Variants in AHR observed in about 807,000 individuals in gnomAD.
AHR encodes AH-receptor.
Under a neutral mutation model 86.8 loss-of-function variants are expected in AHR, and 40 were observed. That is an observed-to-expected ratio of 0.46 (90% CI 0.36 to 0.60). The LOEUF (loss-of-function observed/expected upper bound fraction) is 0.60. AHR is among the 20% of genes least tolerant of loss of function. AHR has a pLI of 0.00. For synonymous variants in AHR, 398 were observed against 354.9 expected (o/e 1.12, Z -1.37); for missense variants, 1,001 against 1,011.6 (o/e 0.99, Z 0.14).
chr7:17,304,020 T>C (rs540385888), intron 1 of AHR, among the ~76,000 whole-genome samples: 1 of 152,276 alleles, frequency 6.6e-6, no homozygotes, highest in East Asian at 1.9e-4. Flanking sequence ...GATTTTCTAC[T>C]TAGGGTGTCC....
rs79550121 is a variant in AHR, at chr7:17,339,280, T to G, written c.1455T>G (p.Phe485Leu). ...TSSTAPFENNFFNESMNECRN... is the reference protein window; with the variant it reads ...TSSTAPFENNLFNESMNECRN... ...GTACTGCACCTTTTGAAAACAACTTTTTCAACGAATCTATGAATGAATGCA... is the reference window on the plus strand; with the variant it reads ...GTACTGCACCTTTTGAAAACAACTTGTTCAACGAATCTATGAATGAATGCA... The change falls in exon 10 of 11, where the codon TTT (phenylalanine) becomes TTG (leucine). Residue 485 changes from phenylalanine to leucine, a missense_variant. Physicochemically the swap from Phe to Leu is conservative, Grantham distance 22. This residue lies in a region of AHR where 607 missense variants were observed against 543.1 expected (regional missense o/e 1.12). Coordinates refer to ENST00000242057, the MANE Select transcript of AHR (RefSeq NM_001621.5). 1.3e-4 allele frequency: 205 copies of G among 1,614,198 alleles called. No homozygotes were observed. The African/African-American group carries it at 2.6e-3, about 20-fold the overall frequency.
chr7:17,331,631 A>G (rs1314887166), intron 6 of AHR, among the ~76,000 whole-genome samples: 1 of 151,958 alleles, frequency 6.6e-6, no homozygotes, highest in Non-Finnish European at 1.5e-5. Flanking sequence ...AATAACTGCC[A>G]CATAGAAAAA....
intron 2 of AHR, among the ~76,000 whole-genome samples, chr7:17,314,400 T>C (rs1402053385): frequency 6.6e-6 from 1 of 152,092 alleles, no homozygotes; most frequent in Non-Finnish European, 1.5e-5. Context: ...ATAATAGTTA[T>C]ATTATGTGAT....
chr7:17,339,508 T>C lies in AHR; in HGVS notation c.1683T>C (p.Phe561=). The change falls in exon 10 of 11, where the codon TTT becomes TTC. Residue 561 remains phenylalanine, a synonymous_variant. Transcript: ENST00000242057. The part of the protein sequence containing the change: ...EDIRHMQNEK[F]FRNDFSGEVD... ...TCAGACACATGCAGAATGAAAAATT[T>C]TTCAGAAATGATTTTTCTGGTGAGG... The C allele has an allele frequency of 6.2e-7, 1 of 1,614,014 alleles. No individual in the cohort carries two copies. The highest frequency in any genetic ancestry group is 8.5e-7 in the Non-Finnish European group (1 of 1,179,992).
intron 1 of AHR, among the ~76,000 whole-genome samples, chr7:17,302,803 A>G (rs1019442550): frequency 6.8e-6 from 1 of 147,168 alleles, no homozygotes; most frequent in South Asian, 2.1e-4. Context: ...AAACAGAACA[A>G]AAAAAAAATA....
chr7:17,329,330 A>G (rs1047997493), intron 4 of AHR, among the ~76,000 whole-genome samples: 1 of 151,944 alleles, frequency 6.6e-6, no homozygotes, highest in Non-Finnish European at 1.5e-5. Flanking sequence ...CTGTGCACAC[A>G]CCTGTGACAG....
At chr7:17,311,202 A>G (rs886333775) in intron 2 of AHR, among the ~76,000 whole-genome samples, 3 of 152,234 alleles carry the variant, frequency 2.0e-5, no homozygotes, top group Non-Finnish European at 4.4e-5. Context: ...TCTTTTTAAA[A>G]TATCATATAA....
intron 2 of AHR, among the ~76,000 whole-genome samples, chr7:17,318,847 G>T (rs1195063452): frequency 6.6e-6 from 1 of 152,066 alleles, no homozygotes. Context: ...TATTCTTAAA[G>T]TAGGCCAGAG....
At chr7:17,305,375 G>A (rs964551851) in intron 1 of AHR, among the ~76,000 whole-genome samples, 4 of 152,262 alleles carry the variant, frequency 2.6e-5, no homozygotes, top group Non-Finnish European at 4.4e-5. Context: ...GGAAGGAAAT[G>A]AAGAATGAAT....
intron 5 of AHR, among the ~76,000 whole-genome samples, 187 bp downstream of exon 5, chr7:17,330,262 G>A (rs1278692969): frequency 6.6e-6 from 1 of 151,874 alleles, no homozygotes; most frequent in East Asian, 1.9e-4. Flanking sequence ...TTTGGCAAAT[G>A]AGAGCCATTT....
chr7:17,337,782 C>T (rs921872755), intron 9 of AHR, among the ~76,000 whole-genome samples: 3 of 151,664 alleles, frequency 2.0e-5, no homozygotes, highest in East Asian at 1.9e-4. Context: ...GCCCTTTTTA[C>T]GTTTTTCTAT....
intron 1 of AHR, among the ~76,000 whole-genome samples, chr7:17,308,985 T>C (rs906452699): frequency 1.3e-5 from 2 of 152,206 alleles, no homozygotes; most frequent in Non-Finnish European, 2.9e-5. Context: ...CAGGAAGGTA[T>C]AGAGGTATAA....
intron 9 of AHR, among the ~76,000 whole-genome samples, chr7:17,337,965 C>G (rs189881997): frequency 1.3e-5 from 2 of 150,566 alleles, no homozygotes; most frequent in Admixed American, 6.6e-5. Context: ...TTCTATTGCC[C>G]GAGGCGGGCG....
At chr7:17,341,066 A>G (rs930097758) in intron 10 of AHR, among the ~76,000 whole-genome samples, 14 of 152,146 alleles carry the variant, frequency 9.2e-5, no homozygotes, top group Non-Finnish European at 1.6e-4. Flanking sequence ...TTTCCATTAG[A>G]AAATATTTAG....
At chr7:17,331,838 A>G (rs531268233) in intron 6 of AHR, among the ~76,000 whole-genome samples, 5 of 152,116 alleles carry the variant, frequency 3.3e-5, no homozygotes, top group African/African-American at 9.6e-5. Context: ...TATATTGTAT[A>G]TTCTTTTTGT....
chr7:17,340,280 A>G lies in AHR; in HGVS notation c.2403+52A>G, dbSNP rs373182334. ...ATCTTTCAGTGATTCTTTTTACCTT[A>G]TAGACATGTTACACATTTTTTATGT... On this transcript the variant is annotated intron_variant, in intron 10 of 10. Coordinates refer to ENST00000242057, the MANE Select transcript of AHR (RefSeq NM_001621.5). 4.6e-6 allele frequency: 7 copies of G among 1,522,524 alleles called. No individual in the cohort carries two copies. In the African/African-American group the frequency reaches 6.9e-5, roughly 15 times the overall value. 94.3% of individuals were successfully genotyped at this position (1,522,524 alleles called of 1,614,324 possible). A position where few individuals can be genotyped will look rare whatever the true frequency, so the allele number is the denominator to read the frequency against.
chr7:17,328,948 T>TGG (rs1782256541), intron 4 of AHR, among the ~76,000 whole-genome samples: 2 of 151,924 alleles, frequency 1.3e-5, no homozygotes, highest in Non-Finnish European at 2.9e-5. Context: ...CTAAAGAAAA[T>TGG]ACATTAATGT....
intron 5 of AHR, 98 bp from the exon 6 acceptor site, chr7:17,330,658 A>C: frequency 9.0e-7 from 1 of 1,113,436 alleles, no homozygotes; most frequent in Non-Finnish European, 1.2e-6. Flanking sequence ...TTCAGAACAC[A>C]GACTCCAGTT....
At position 17,344,547 on chromosome 7, in the gene AHR, A is replaced by G. The variant is rs1170546612; in HGVS notation, c.*1483A>G. On this transcript the variant is annotated 3_prime_UTR_variant, in exon 11 of 11. Transcript: ENST00000242057. ...TTTTTTTAATGATATACTGATCTTC[A>G]TTACCAATAGGCAAATTAATCACCC... 1 of 152,334 alleles carries G rather than the reference A, an allele frequency of 6.6e-6. No individual in the cohort carries two copies. The highest frequency in any genetic ancestry group is 2.4e-5 in the African/African-American group (1 of 41,336). The allele number at this position is 152,334 out of a possible 1,614,324, so 9.4% of individuals were successfully genotyped here. A position where few individuals can be genotyped will look rare whatever the true frequency, so the allele number is the denominator to read the frequency against.
Sources: allele counts gnomAD v4.1 joint callset (sites outside exome capture counted in the v4.1 genomes callset), GRCh38; gene constraint gnomAD v4.1.1; regional missense constraint gnomAD v4.1.1; transcripts MANE v1.5; gene names NCBI Gene and HGNC (gene_info 2026-07-23, HGNC 2026-07-21).